Variants in SERPINB12 observed in about 807,000 individuals in gnomAD.
SERPINB12 encodes serpin B12.
A neutral mutation model predicts 41.1 loss-of-function variants in SERPINB12; 57 were observed. That is an observed-to-expected ratio of 1.39 (90% CI 1.12 to 1.73). The LOEUF (loss-of-function observed/expected upper bound fraction) is 1.73, where lower values mean the gene tolerates loss of function less well. SERPINB12 is among the 40% of genes most tolerant of loss of function. The probability of loss-of-function intolerance (pLI) is 0.00; values close to 1 mark genes in which losing one functional copy is unlikely to be tolerated. For missense variants in SERPINB12, 536 were observed against 501.9 expected (o/e 1.07, Z -0.65); for synonymous variants, 180 against 181.3 (o/e 0.99, Z 0.06).
At chr18:63,554,147 G>A (rs1910601998) in intron 1 of SERPINB12, among the ~76,000 whole-genome samples, 3 of 152,182 alleles carry the variant, frequency 2.0e-5, no homozygotes, top group African/African-American at 7.2e-5. Flanking sequence ...AGGGGGGAGA[G>A]TACCCACATA....
At chr18:63,562,365 A>C (rs925952022) in intron 5 of SERPINB12, among the ~76,000 whole-genome samples, 2 of 152,224 alleles carry the variant, frequency 1.3e-5, no homozygotes, top group Non-Finnish European at 2.9e-5. Flanking sequence ...TTTGGAGTGC[A>C]TGAGAGAGCA....
chr18:63,542,349 G>T (rs1910289285), upstream of SERPINB12, among the ~76,000 whole-genome samples: 1 of 152,234 alleles, frequency 6.6e-6, no homozygotes, highest in Non-Finnish European at 1.5e-5. Flanking sequence ...TATTTAAAGT[G>T]ACAGAATAGC....
Position 63,567,139 on chromosome 18 carries a change from T to C in SERPINB12, c.*128T>C. Reference sequence around the variant, plus strand: ...CTCCTTCATCCTCCAGCCATCGGCTTGTGCTTATCTTGATCTTTCTGTCAC... The same window carrying C: ...CTCCTTCATCCTCCAGCCATCGGCTCGTGCTTATCTTGATCTTTCTGTCAC... On this transcript the variant is annotated 3_prime_UTR_variant, in exon 8 of 8. Coordinates refer to ENST00000382768, the MANE Select transcript of SERPINB12 (RefSeq NM_001307928.2). The C allele has an allele frequency of 6.7e-6, 6 of 889,244 alleles. No individual in the cohort carries two copies. The highest frequency in any genetic ancestry group is 1.0e-5 in the Non-Finnish European group (6 of 599,256). The allele number at this position is 889,244 out of a possible 1,614,324, so 55.1% of individuals were successfully genotyped here.
At chr18:63,553,454 C>A (rs893624327) in intron 1 of SERPINB12, among the ~76,000 whole-genome samples, 3 of 152,118 alleles carry the variant, frequency 2.0e-5, no homozygotes, top group Admixed American at 2.0e-4. Context: ...TCATTCAGTT[C>A]TGGGAGTGCT....
At chr18:63,554,047 C>CCAGTTCCCA (rs113569056) in intron 1 of SERPINB12, among the ~76,000 whole-genome samples, 11,478 of 152,036 alleles carry the variant, frequency 0.075, 896 homozygotes, top group East Asian at 0.29. Context: ...CGTCTCAAAC[C>CCAGTTCCCA]CAGTTCCCAG....
chr18:63,533,278 G>A, the SERPINB12 span, among the ~76,000 whole-genome samples: 155 of 152,240 alleles, frequency 1.0e-3, 3 homozygotes, highest in East Asian at 0.018. Context: ...GCCCGGCCTC[G>A]TATTTCTTAA....
intron 1 of SERPINB12, among the ~76,000 whole-genome samples, chr18:63,548,485 A>G (rs1910440584): frequency 6.6e-6 from 1 of 152,102 alleles, no homozygotes; most frequent in South Asian, 2.1e-4. Flanking sequence ...GACAATTTTC[A>G]GTAAATAAGA....
At chr18:63,559,003 C>CTTTCTTTCTTTTCTTTCTTTCT (rs1491386715) in intron 3 of SERPINB12, among the ~76,000 whole-genome samples, 11 of 78,600 alleles carry the variant, frequency 1.4e-4, no homozygotes, top group African/African-American at 5.0e-4. Context: ...TCTTTCCTTC[C>CTTTCTTTCTTTTCTTTCTTTCT]TTCTTTCTTT....
At chr18:63,550,150 A>G (rs1910487162) in intron 1 of SERPINB12, among the ~76,000 whole-genome samples, 1 of 152,178 alleles carries the variant, frequency 6.6e-6, no homozygotes, top group Admixed American at 6.5e-5. Context: ...AGACCTTACT[A>G]TTTTAAAAGA....
the SERPINB12 span, among the ~76,000 whole-genome samples, chr18:63,532,686 G>C: frequency 6.6e-6 from 1 of 152,120 alleles, no homozygotes; most frequent in Non-Finnish European, 1.5e-5. Flanking sequence ...AGATGCAAAT[G>C]ATTCTTGAAG....
intron 1 of SERPINB12, among the ~76,000 whole-genome samples, chr18:63,543,139 G>T (rs1181567420): frequency 6.6e-6 from 1 of 152,134 alleles, no homozygotes; most frequent in Non-Finnish European, 1.5e-5. Context: ...CTCTCTTCCT[G>T]ACTTATTAGG....
rs112538111 is a variant in SERPINB12 at position 63,564,901 on chromosome 18, A to C, written c.706-544A>C. On this transcript the variant is annotated intron_variant, in intron 6 of 7. Coordinates refer to ENST00000382768, the MANE Select transcript of SERPINB12 (RefSeq NM_001307928.2). ...CCTTGGGAGCTGAAGAACTGATTAA[A>C]AAACATGGAAAGGGCCAGGTGAGGT... Among the ~76,000 whole-genome samples the C allele has an allele frequency of 9.1e-3, 1,388 of 152,336 alleles. 15 individuals carry two copies. The highest frequency in any genetic ancestry group is 0.032 in the African/African-American group (1,313 of 41,572).
At chr18:63,563,506 C>T (rs1008207524) in intron 5 of SERPINB12, among the ~76,000 whole-genome samples, 5 of 152,190 alleles carry the variant, frequency 3.3e-5, no homozygotes, top group Non-Finnish European at 5.9e-5. Context: ...TGCCCCATCA[C>T]CCCCTCGCTT....
At chr18:63,531,875 G>A in the SERPINB12 span, among the ~76,000 whole-genome samples, 1 of 152,050 alleles carries the variant, frequency 6.6e-6, no homozygotes, top group African/African-American at 2.4e-5. Flanking sequence ...TGGCACCCAG[G>A]GCATTGTGAG....
intron 1 of SERPINB12, among the ~76,000 whole-genome samples, chr18:63,542,927 A>G (rs1479021227): frequency 6.6e-6 from 1 of 152,136 alleles, no homozygotes; most frequent in Non-Finnish European, 1.5e-5. Context: ...TTCCCTTAGG[A>G]TAATAGCCTC....
chr18:63,566,275 ATAT>A (rs1434577869), intron 7 of SERPINB12, among the ~76,000 whole-genome samples: 10 of 152,236 alleles, frequency 6.6e-5, no homozygotes, highest in Non-Finnish European at 1.2e-4. Flanking sequence ...GAACTTAATC[ATAT>A]TATCTCTCTT....
At chr18:63,563,468 G>T (rs1224995971) in intron 5 of SERPINB12, among the ~76,000 whole-genome samples, 3 of 152,158 alleles carry the variant, frequency 2.0e-5, no homozygotes, top group African/African-American at 7.2e-5. Flanking sequence ...TGGACCCCCT[G>T]CGAGGTGGAG....
At chr18:63,536,957 TACCTCACATCGTAG>T in the SERPINB12 span, among the ~76,000 whole-genome samples, 4 of 152,128 alleles carry the variant, frequency 2.6e-5, no homozygotes, top group Non-Finnish European at 5.9e-5. Context: ...TTTAAATCCC[TACCTCACATCGTAG>T]ACCAAAATAA....
intron 4 of SERPINB12, 129 bp downstream of exon 4, chr18:63,559,847 G>T: frequency 1.1e-6 from 1 of 910,810 alleles, no homozygotes; most frequent in Non-Finnish European, 1.7e-6. Context: ...CTGTGGACTG[G>T]TGAGGTGTCC....
Sources: allele counts gnomAD v4.1 joint callset (sites outside exome capture counted in the v4.1 genomes callset), GRCh38; gene constraint gnomAD v4.1.1; transcripts MANE v1.5; gene names NCBI Gene and HGNC (gene_info 2026-07-23, HGNC 2026-07-21).